NARS2: variants seen among roughly 807,000 people sequenced by gnomAD.
The protein encoded by NARS2 is asparaginyl-tRNA synthetase 2, mitochondrial, also known as asparaginyl-tRNA synthetase.
NARS2 carries 60 observed loss-of-function variants against 62.9 expected under a neutral mutation model. The ratio of observed to expected loss-of-function variants is 0.95; its 90% CI spans 0.77 to 1.18. NARS2 has a LOEUF of 1.18. NARS2 is among the 50% of genes most tolerant of loss of function. NARS2 has a pLI of 0.00. For synonymous variants in NARS2, 196 were observed against 200.0 expected (o/e 0.98, Z 0.17); for missense variants, 619 against 576.4 (o/e 1.07, Z -0.76).
chr11:78,482,801 C>A (rs1859412975), intron 7 of NARS2, among the ~76,000 whole-genome samples: 1 of 152,164 alleles, frequency 6.6e-6, no homozygotes, highest in South Asian at 2.1e-4. Flanking sequence ...CAGCCAAATT[C>A]TACCAGAGGT....
chr11:78,485,577 GT>G (rs1859536881), intron 7 of NARS2, among the ~76,000 whole-genome samples: 1 of 152,096 alleles, frequency 6.6e-6, no homozygotes, highest in Non-Finnish European at 1.5e-5. Flanking sequence ...GGGATAAAAC[GT>G]TGTTGATCTG....
chr11:78,570,081 T>C (rs112373221), intron 2 of NARS2, among the ~76,000 whole-genome samples: 5,897 of 152,072 alleles, frequency 0.039, 390 homozygotes, highest in African/African-American at 0.13. Context: ...TCCCAACTAC[T>C]TGGGAGACTG....
intron 6 of NARS2, among the ~76,000 whole-genome samples, chr11:78,522,310 C>G (rs1042774205): frequency 1.3e-5 from 2 of 152,108 alleles, no homozygotes; most frequent in Admixed American, 1.3e-4. Flanking sequence ...AGTGAAATCT[C>G]AGACAAAGAG....
intron 11 of NARS2, among the ~76,000 whole-genome samples, chr11:78,449,827 T>C (rs955457190): frequency 3.9e-5 from 6 of 152,198 alleles, no homozygotes; most frequent in African/African-American, 1.4e-4. Context: ...CAAATGTTCC[T>C]TGGTGAAGAA....
At chr11:78,501,877 A>G (rs948907440) in intron 6 of NARS2, among the ~76,000 whole-genome samples, 43 of 152,318 alleles carry the variant, frequency 2.8e-4, no homozygotes, top group African/African-American at 9.6e-4. Context: ...TTCAAACAAA[A>G]CTTTGTACAT....
At chr11:78,481,761 T>C (rs992041950) in intron 7 of NARS2, among the ~76,000 whole-genome samples, 2 of 152,226 alleles carry the variant, frequency 1.3e-5, no homozygotes, top group African/African-American at 4.8e-5. Flanking sequence ...TAGAACATTC[T>C]GATTTAAGAG....
intron 5 of NARS2, among the ~76,000 whole-genome samples, chr11:78,554,931 G>A (rs1274759753): frequency 6.6e-6 from 1 of 152,142 alleles, no homozygotes; most frequent in Non-Finnish European, 1.5e-5. Flanking sequence ...TTATTTACAG[G>A]TATGTTCCTT....
At chr11:78,573,822 T>A (rs888124700) in intron 1 of NARS2, among the ~76,000 whole-genome samples, 3 of 152,216 alleles carry the variant, frequency 2.0e-5, no homozygotes, top group African/African-American at 7.2e-5. Flanking sequence ...CTAAGCAGCT[T>A]AACTCCAGAG....
intron 3 of NARS2, among the ~76,000 whole-genome samples, chr11:78,567,017 C>CTA (rs1210346385): frequency 6.6e-6 from 1 of 152,124 alleles, no homozygotes. Context: ...GAAACAAGCA[C>CTA]TATACTTACT....
At chr11:78,567,181 C>T (rs1346738879) in intron 3 of NARS2, among the ~76,000 whole-genome samples, 2 of 152,124 alleles carry the variant, frequency 1.3e-5, no homozygotes, top group Admixed American at 6.5e-5. Context: ...ATATAGTAGT[C>T]CCCCACTTAC....
chr11:78,536,882 T>C (rs747153899), intron 5 of NARS2, among the ~76,000 whole-genome samples: 4 of 152,324 alleles, frequency 2.6e-5, no homozygotes, highest in East Asian at 3.9e-4. Flanking sequence ...AAGTGCCCTA[T>C]ACAGGTGTAC....
At chr11:78,467,723 C>T (rs1473217591) in intron 10 of NARS2, among the ~76,000 whole-genome samples, 1 of 151,950 alleles carries the variant, frequency 6.6e-6, no homozygotes, top group Non-Finnish European at 1.5e-5. Flanking sequence ...TGAACAAGTT[C>T]TGGGGATCTA....
chr11:78,478,532 A>G, intron 8 of NARS2, 53 bp downstream of exon 8: 1 of 1,309,106 alleles, frequency 7.6e-7, no homozygotes. Context: ...CATTATGTAT[A>G]ATTAACACAT....
intron 5 of NARS2, among the ~76,000 whole-genome samples, chr11:78,544,103 A>G (rs1855753035): frequency 6.6e-6 from 1 of 151,350 alleles, no homozygotes; most frequent in Admixed American, 6.6e-5. Flanking sequence ...TCCTGTGTAA[A>G]TCACTATCTG....
At chr11:78,486,799 A>C (rs1859594421) in intron 7 of NARS2, among the ~76,000 whole-genome samples, 1 of 152,190 alleles carries the variant, frequency 6.6e-6, no homozygotes, top group Non-Finnish European at 1.5e-5. Context: ...AGAAGACTCA[A>C]ATACTGGAAT....
rs572232214 is a variant in NARS2, at chr11:78,573,084, C to A, written c.141+1264G>T. The A allele has an allele frequency of 2.6e-5, 4 of 152,296 alleles. No homozygotes were observed. In the South Asian group the frequency reaches 6.2e-4, roughly 24 times the overall value. The allele number at this position is 152,296 out of a possible 1,614,324, so 9.4% of individuals were successfully genotyped here. ...AATGTATACCCAATCAATAGACCAA[C>A]AGACCTATGGAAAGAATATGGAACT... On this transcript the variant is annotated intron_variant, in intron 1 of 13. Transcript: ENST00000281038.
rs1168489063 is a variant in NARS2 at position 78,535,345 on chromosome 11, A to C, written c.595-6409T>G. On this transcript the variant is annotated intron_variant, in intron 5 of 13. Coordinates refer to ENST00000281038, the MANE Select transcript of NARS2 (RefSeq NM_024678.6). ...ATCCCATCTTCAATATATTTCTTTCAAATCCTTGAGAGAAATGGTACAATA... is the reference window on the plus strand; with the variant it reads ...ATCCCATCTTCAATATATTTCTTTCCAATCCTTGAGAGAAATGGTACAATA... 2.0e-5 allele frequency among the ~76,000 whole-genome samples: 3 copies of C among 152,230 alleles called. No individual in the cohort carries two copies. The East Asian group carries it at 5.8e-4, about 29-fold the overall frequency.
At chr11:78,554,298 ATGT>A (rs949770173) in intron 5 of NARS2, among the ~76,000 whole-genome samples, 4 of 152,162 alleles carry the variant, frequency 2.6e-5, no homozygotes, top group African/African-American at 9.7e-5. Flanking sequence ...TCTGTGAGGA[ATGT>A]TGTTGATAGT....
chr11:78,483,456 T>C (rs1859443382), intron 7 of NARS2, among the ~76,000 whole-genome samples: 1 of 152,194 alleles, frequency 6.6e-6, no homozygotes, highest in Non-Finnish European at 1.5e-5. Flanking sequence ...ATTGTCTCTG[T>C]TTACAGATGA....
Sources: gnomAD v4.1 joint callset for allele counts (sites outside exome capture counted in the v4.1 genomes callset) on GRCh38, gnomAD v4.1.1 for gene constraint, MANE v1.5 for transcripts, NCBI Gene and HGNC (gene_info 2026-07-23, HGNC 2026-07-21) for gene names.